Variants in CPED1 observed in about 807,000 individuals in gnomAD.
CPED1 encodes the protein cadherin-like and PC-esterase domain-containing protein 1.
In CPED1, 114 loss-of-function variants were observed where a neutral mutation model predicts 128.2. The observed-to-expected ratio is 0.89, with a 90% CI of 0.76 to 1.04. The LOEUF (loss-of-function observed/expected upper bound fraction) is 1.04. Among genes scored for constraint, CPED1 ranks in the 50% least tolerant of loss-of-function variants. CPED1 has a pLI of 0.00. For missense variants in CPED1, 1,211 were observed against 1,207.1 expected, an observed-to-expected ratio of 1.00 and a Z score of -0.05; for synonymous variants, 462 against 426.7, an observed-to-expected ratio of 1.08 and a Z score of -1.02.
At chr7:121,273,159 G>T (rs1228329839) in intron 22 of CPED1, among the ~76,000 whole-genome samples, 1 of 151,864 alleles carries the variant, frequency 6.6e-6, no homozygotes, top group Non-Finnish European at 1.5e-5. Flanking sequence ...TTATTAGTGG[G>T]TTGACTCGTG....
At chr7:121,222,727 G>A (rs1322395637) in intron 16 of CPED1, among the ~76,000 whole-genome samples, 1 of 152,132 alleles carries the variant, frequency 6.6e-6, no homozygotes, top group African/African-American at 2.4e-5. Flanking sequence ...AATTGTGAAT[G>A]TGAATTCACT....
At chr7:121,125,572 G>A (rs1024884328) in intron 8 of CPED1, among the ~76,000 whole-genome samples, 1 of 151,950 alleles carries the variant, frequency 6.6e-6, no homozygotes, top group East Asian at 1.9e-4. Flanking sequence ...TTGGTTTTCT[G>A]TTCCTGGGTT....
chr7:121,253,382 C>T (rs1217060784), intron 18 of CPED1, among the ~76,000 whole-genome samples: 1 of 151,626 alleles, frequency 6.6e-6, no homozygotes, highest in Non-Finnish European at 1.5e-5. Context: ...TTAATGGGTG[C>T]AGCACACCAA....
chr7:121,121,707 G>A (rs1215259266), intron 7 of CPED1, among the ~76,000 whole-genome samples: 4 of 152,192 alleles, frequency 2.6e-5, no homozygotes, highest in African/African-American at 9.7e-5. Flanking sequence ...AGGAGGAAAG[G>A]TGAAAGTGCT....
chr7:121,216,102 C>T (rs1584604315), intron 16 of CPED1, among the ~76,000 whole-genome samples: 2 of 152,172 alleles, frequency 1.3e-5, no homozygotes, highest in Admixed American at 1.3e-4. Flanking sequence ...CCCTCTACAA[C>T]TTTCTAGATA....
intron 2 of CPED1, among the ~76,000 whole-genome samples, chr7:121,006,429 T>G (rs1486703544): frequency 1.3e-5 from 2 of 152,018 alleles, no homozygotes; most frequent in African/African-American, 2.4e-5. Context: ...GGCTTGGAGA[T>G]AGAAAGAAAA....
At chr7:121,239,238 G>T (rs1349742804) in intron 17 of CPED1, among the ~76,000 whole-genome samples, 2 of 151,964 alleles carry the variant, frequency 1.3e-5, no homozygotes, top group East Asian at 3.9e-4. Flanking sequence ...GCACATTACA[G>T]CTATTTGGCA....
chr7:121,175,671 A>G (rs1159949816), intron 16 of CPED1, among the ~76,000 whole-genome samples: 1 of 152,144 alleles, frequency 6.6e-6, no homozygotes, highest in East Asian at 1.9e-4. Context: ...AAATGGGAAT[A>G]TTTCAAGGAA....
chr7:121,183,848 G>C (rs909581973), intron 16 of CPED1, among the ~76,000 whole-genome samples: 3 of 152,076 alleles, frequency 2.0e-5, no homozygotes, highest in African/African-American at 7.2e-5. Flanking sequence ...TCACTTGGGG[G>C]TAGAGAACGA....
chr7:121,295,794 T>G lies in CPED1; in HGVS notation c.*142T>G. ...ACACCAGCACATGCATGCACACCAG[T>G]ACACACACAGTTAAATAATGATAAC... On this transcript the variant is annotated 3_prime_UTR_variant, in exon 23 of 23. Coordinates refer to ENST00000310396, the MANE Select transcript of CPED1 (RefSeq NM_024913.5). The G allele has an allele frequency of 1.6e-6, 1 of 619,976 alleles. No individual in the cohort carries two copies. Among genetic ancestry groups the G allele is most frequent in the Non-Finnish European group, 2.9e-6 (1 of 348,650 alleles). 38.4% of individuals were successfully genotyped at this position (619,976 alleles called of 1,614,324 possible).
intron 3 of CPED1, among the ~76,000 whole-genome samples, chr7:121,029,766 G>A (rs765770057): frequency 6.6e-5 from 10 of 151,932 alleles, no homozygotes; most frequent in Admixed American, 3.3e-4. Context: ...CTTGTCTTAC[G>A]GAAAGAAATC....
chr7:121,045,147 T>C (rs183086375), intron 3 of CPED1, among the ~76,000 whole-genome samples: 191 of 152,292 alleles, frequency 1.3e-3, no homozygotes, highest in Middle Eastern at 6.8e-3. Context: ...TATGGGAACT[T>C]TTCTTGAAAG....
intron 16 of CPED1, among the ~76,000 whole-genome samples, chr7:121,221,290 A>G (rs554071688): frequency 3.0e-4 from 46 of 152,292 alleles, no homozygotes; most frequent in Non-Finnish European, 5.4e-4. Context: ...AAAGGACATG[A>G]ACTAAACCTT....
At chr7:121,293,389 A>C (rs900954447) in intron 22 of CPED1, among the ~76,000 whole-genome samples, 1 of 152,132 alleles carries the variant, frequency 6.6e-6, no homozygotes, top group Non-Finnish European at 1.5e-5. Context: ...TCGACTTCAG[A>C]CTGCAGTGTT....
intron 4 of CPED1, among the ~76,000 whole-genome samples, chr7:121,054,667 G>T (rs1385059716): frequency 1.4e-5 from 2 of 147,526 alleles, no homozygotes; most frequent in Non-Finnish European, 1.5e-5. Context: ...CAGGGTTGAG[G>T]TTTTTTTTTT....
intron 18 of CPED1, among the ~76,000 whole-genome samples, chr7:121,252,958 C>G (rs572983124): frequency 1.3e-4 from 20 of 152,284 alleles, no homozygotes; most frequent in African/African-American, 4.8e-4. Context: ...CATCCCATTA[C>G]TGGGTATATA....
At chr7:121,173,744 A>G (rs191131198) in intron 16 of CPED1, among the ~76,000 whole-genome samples, 68 of 152,170 alleles carry the variant, frequency 4.5e-4, no homozygotes, top group Non-Finnish European at 7.4e-4. Context: ...CCAGGTATAT[A>G]CCCAAAAATG....
At chr7:121,289,821 T>C (rs888601795) in intron 22 of CPED1, among the ~76,000 whole-genome samples, 2 of 152,212 alleles carry the variant, frequency 1.3e-5, no homozygotes, top group Non-Finnish European at 2.9e-5. Flanking sequence ...TTTATTTTTA[T>C]TATACTTTAA....
intron 16 of CPED1, among the ~76,000 whole-genome samples, chr7:121,221,757 G>A (rs1385731297): frequency 1.3e-5 from 2 of 152,186 alleles, no homozygotes; most frequent in Non-Finnish European, 2.9e-5. Flanking sequence ...CTGCATAAAT[G>A]TCTTCTTTTG....
Sources: allele counts gnomAD v4.1 joint callset (sites outside exome capture counted in the v4.1 genomes callset), GRCh38; gene constraint gnomAD v4.1.1; transcripts MANE v1.5; gene names NCBI Gene and HGNC (gene_info 2026-07-23, HGNC 2026-07-21).